Variants in TNPO1 observed in about 807,000 individuals in gnomAD.
TNPO1 encodes the protein transportin 1, also known as transportin-1.
Under a neutral mutation model 119.5 loss-of-function variants are expected in TNPO1, and 8 were observed. The observed-to-expected ratio is 0.07, with a 90% CI of 0.04 to 0.12. The LOEUF is 0.12. Among genes scored for constraint, TNPO1 ranks in the 10% least tolerant of loss-of-function variants. The pLI is 1.00. For synonymous variants in TNPO1, 362 were observed against 363.0 expected (o/e 1.00, Z 0.03); for missense variants, 576 against 1,089.8 (o/e 0.53, Z 6.64).
chr5:72,862,998 G>T (rs1050754538), intron 5 of TNPO1, among the ~76,000 whole-genome samples: 1 of 125,104 alleles, frequency 8.0e-6, no homozygotes, highest in African/African-American at 3.2e-5. Context: ...GTTTTTGTGT[G>T]TGTGTGTGTG....
intron 18 of TNPO1, among the ~76,000 whole-genome samples, chr5:72,895,123 T>G (rs1749328311): frequency 6.6e-6 from 1 of 152,200 alleles, no homozygotes; most frequent in Non-Finnish European, 1.5e-5. Flanking sequence ...TATCTCTTCT[T>G]ACAATTGTTT....
intron 7 of TNPO1, among the ~76,000 whole-genome samples, chr5:72,875,094 T>C (rs1747664649): frequency 1.3e-5 from 2 of 152,242 alleles, no homozygotes; most frequent in South Asian, 2.1e-4. Context: ...AATAGTCTGT[T>C]GTCCATTCAG....
chr5:72,841,181 C>T (rs1239502449), intron 1 of TNPO1, among the ~76,000 whole-genome samples: 1 of 149,520 alleles, frequency 6.7e-6, no homozygotes, highest in Non-Finnish European at 1.5e-5. Flanking sequence ...AGTGCAATGG[C>T]ACAATCTTGG....
chr5:72,901,772 G>T (rs1187556175), intron 22 of TNPO1, among the ~76,000 whole-genome samples: 1 of 152,200 alleles, frequency 6.6e-6, no homozygotes, highest in Non-Finnish European at 1.5e-5. Context: ...TTAAGGAAAA[G>T]AAAGCGTGGA....
intron 6 of TNPO1, among the ~76,000 whole-genome samples, chr5:72,870,423 G>C (rs1479779460): frequency 6.6e-6 from 1 of 152,000 alleles, no homozygotes; most frequent in East Asian, 1.9e-4. Context: ...TAGCCTCCCA[G>C]AGTGCTGGGA....
intron 3 of TNPO1, 58 bp downstream of exon 3, chr5:72,851,377 A>G (rs1745536815): frequency 2.0e-6 from 2 of 985,190 alleles, no homozygotes; most frequent in Non-Finnish European, 3.2e-6. Flanking sequence ...GTTTAAATGT[A>G]CTGAGAATTA....
chr5:72,873,198 T>A (rs1291261837), intron 7 of TNPO1, among the ~76,000 whole-genome samples: 1 of 152,138 alleles, frequency 6.6e-6, no homozygotes, highest in Non-Finnish European at 1.5e-5. Flanking sequence ...TCTTTAGGCA[T>A]TTTGAACTTT....
intron 24 of TNPO1, among the ~76,000 whole-genome samples, chr5:72,907,746 C>G (rs1052543011): frequency 6.6e-6 from 1 of 152,066 alleles, no homozygotes; most frequent in African/African-American, 2.4e-5. Context: ...TTAGGAACAT[C>G]AAGAAGGCAA....
chr5:72,853,080 A>C (rs886722832), intron 3 of TNPO1, among the ~76,000 whole-genome samples: 28 of 152,212 alleles, frequency 1.8e-4, no homozygotes, highest in African/African-American at 5.8e-4. Flanking sequence ...TTACAATATT[A>C]TACTCTTGAG....
At chr5:72,885,195 T>G (rs893479717) in intron 11 of TNPO1, among the ~76,000 whole-genome samples, 1 of 152,198 alleles carries the variant, frequency 6.6e-6, no homozygotes, top group Non-Finnish European at 1.5e-5. Context: ...CAACCTTGAA[T>G]AGGCAAGAAA....
At chr5:72,818,334 C>G (rs931430171) in intron 1 of TNPO1, among the ~76,000 whole-genome samples, 1 of 152,166 alleles carries the variant, frequency 6.6e-6, no homozygotes, top group Admixed American at 6.5e-5. Flanking sequence ...ATACATGATT[C>G]TAGTTGTAAG....
chr5:72,875,837 G>C (rs537832398), intron 8 of TNPO1, 100 bp downstream of exon 8: 2 of 1,321,116 alleles, frequency 1.5e-6, no homozygotes, highest in Non-Finnish European at 2.1e-6. Context: ...CTATAAAATA[G>C]TTATAATTGT....
intron 11 of TNPO1, among the ~76,000 whole-genome samples, chr5:72,884,157 G>T (rs995219341): frequency 9.9e-5 from 15 of 152,206 alleles, no homozygotes; most frequent in African/African-American, 3.6e-4. Context: ...GTTTTCCAAA[G>T]TGACTGCACC....
At chr5:72,832,217 A>G (rs768556340) in intron 1 of TNPO1, among the ~76,000 whole-genome samples, 1 of 152,154 alleles carries the variant, frequency 6.6e-6, no homozygotes, top group African/African-American at 2.4e-5. Context: ...AATTTGTTAA[A>G]AGTTGAATCA....
intron 4 of TNPO1, among the ~76,000 whole-genome samples, chr5:72,860,013 G>A (rs967083050): frequency 2.0e-5 from 3 of 152,084 alleles, no homozygotes; most frequent in African/African-American, 7.2e-5. Context: ...TATTGTAAGG[G>A]CTATATCTTG....
intron 11 of TNPO1, among the ~76,000 whole-genome samples, chr5:72,885,745 T>A (rs1024101633): frequency 4.9e-5 from 1 of 20,520 alleles, no homozygotes; most frequent in South Asian, 1.2e-3. Context: ...TTGGTTTGGT[T>A]TTTTTTTTTT....
chr5:72,898,927 A>T (rs967104526), intron 20 of TNPO1, among the ~76,000 whole-genome samples: 1 of 152,058 alleles, frequency 6.6e-6, no homozygotes, highest in Non-Finnish European at 1.5e-5. Context: ...AGTTTTTGAG[A>T]GAACACCATT....
intron 1 of TNPO1, among the ~76,000 whole-genome samples, chr5:72,822,662 G>A (rs1561289437): frequency 6.9e-6 from 1 of 145,648 alleles, no homozygotes; most frequent in Non-Finnish European, 1.5e-5. Context: ...GCATGATTTC[G>A]GCTCACTGCA....
rs7723003 is a variant in TNPO1, at chr5:72,902,609, G to A, written c.2515-1100G>A. ...ACCATCTTTTTCAAAAGTATCTTCC[G>A]ACCAAGATTTTATTGTTTCTTTGTT... On this transcript the variant is annotated intron_variant, in intron 22 of 24. Coordinates refer to ENST00000337273, the MANE Select transcript of TNPO1 (RefSeq NM_002270.4). 2.0e-3 allele frequency among the ~76,000 whole-genome samples: 302 copies of A among 151,684 alleles called. 3 individuals carry two copies. Among genetic ancestry groups the A allele is most frequent in the African/African-American group, 7.1e-3 (292 of 41,376 alleles).
Sources: gnomAD v4.1 joint callset for allele counts (sites outside exome capture counted in the v4.1 genomes callset) on GRCh38, gnomAD v4.1.1 for gene constraint, MANE v1.5 for transcripts, NCBI Gene and HGNC (gene_info 2026-07-23, HGNC 2026-07-21) for gene names.